Variants in RELN observed in about 807,000 individuals in gnomAD.
The protein encoded by RELN is reelin.
In RELN, 108 loss-of-function variants were observed where a neutral mutation model predicts 427.6. The observed-to-expected ratio is 0.25, with a 90% confidence interval of 0.22 to 0.30. RELN has a LOEUF of 0.30. RELN is among the 10% of genes least tolerant of loss of function. The pLI, the probability that RELN is intolerant of heterozygous loss-of-function variation, is 1.00. For missense variants in RELN, 3,715 were observed against 4,302.8 expected, an observed-to-expected ratio of 0.86 and a Z score of 3.82; for synonymous variants, 1,524 against 1,513.4, an observed-to-expected ratio of 1.01 and a Z score of -0.16.
chr7:103,893,643 C>T (rs1794896902), intron 2 of RELN, among the ~76,000 whole-genome samples: 1 of 152,182 alleles, frequency 6.6e-6, no homozygotes, highest in African/African-American at 2.4e-5. Context: ...CCTTTTAAAG[C>T]AGTGAGTACT....
At chr7:103,504,270 G>A (rs1283011932) in intron 51 of RELN, 3 of 152,128 alleles carry the variant, frequency 2.0e-5, no homozygotes, top group African/African-American at 7.2e-5. Context: ...AGATGGGTAA[G>A]AGGAAAAAAA....
At chr7:103,952,625 C>T (rs1158659409) in intron 1 of RELN, among the ~76,000 whole-genome samples, 1 of 152,026 alleles carries the variant, frequency 6.6e-6, no homozygotes, top group Non-Finnish European at 1.5e-5. Flanking sequence ...AAATGTGTCA[C>T]TGCAAATGAT....
In RELN at chr7:103,637,988, C is replaced by T. The variant is rs145121723; in HGVS notation, c.2070-1520G>A. 4.6e-5 allele frequency among the ~76,000 whole-genome samples: 7 copies of T among 152,064 alleles called. No individual in the cohort carries two copies. In the East Asian group the frequency reaches 1.2e-3, roughly 25 times the overall value. On this transcript the variant is annotated intron_variant, in intron 17 of 64. Transcript: ENST00000428762. ...ACATTGGAGTCACTTTCCATTTAGT[C>T]GTTTTAAAAGTCTACTTTTAATCAA...
chr7:103,980,236 C>A (rs1309070186), intron 1 of RELN, among the ~76,000 whole-genome samples: 1 of 151,010 alleles, frequency 6.6e-6, no homozygotes, highest in African/African-American at 2.4e-5. Context: ...GGTTGTAAAT[C>A]ACTTTTTTTG....
chr7:103,807,108 C>T (rs1792619228), intron 3 of RELN, among the ~76,000 whole-genome samples: 1 of 152,190 alleles, frequency 6.6e-6, no homozygotes. Context: ...TAAATGGCAA[C>T]TGAGAGTTTG....
intron 53 of RELN, among the ~76,000 whole-genome samples, chr7:103,499,499 A>G (rs781251373): frequency 6.6e-6 from 1 of 152,200 alleles, no homozygotes; most frequent in Non-Finnish European, 1.5e-5. Context: ...TCTAGTTGCA[A>G]TGCAATAACT....
At chr7:103,838,065 T>G (rs112701175) in intron 2 of RELN, among the ~76,000 whole-genome samples, 23 of 151,342 alleles carry the variant, frequency 1.5e-4, no homozygotes, top group African/African-American at 5.1e-4. Context: ...AAAAATTAGC[T>G]GGGTGTGGTG....
At chr7:103,558,164 GA>G (rs1584293866) in intron 36 of RELN, 115 bp from the exon 37 acceptor site, 1 of 657,050 alleles carries the variant, frequency 1.5e-6, no homozygotes, top group East Asian at 2.8e-5. Flanking sequence ...TCATGATCAA[GA>G]AGCAAATTTT....
intron 1 of RELN, among the ~76,000 whole-genome samples, chr7:103,922,961 G>T (rs967706174): frequency 6.6e-6 from 1 of 151,862 alleles, no homozygotes; most frequent in African/African-American, 2.4e-5. Flanking sequence ...TCAGAGGATA[G>T]CAAATTGCAA....
At chr7:103,678,911 G>A (rs1833595921) in intron 11 of RELN, among the ~76,000 whole-genome samples, 1 of 152,114 alleles carries the variant, frequency 6.6e-6, no homozygotes, top group African/African-American at 2.4e-5. Flanking sequence ...GGGTGGTGGT[G>A]GATGAAAGAA....
Position 103,522,116 on chromosome 7 carries a change from G to C in RELN, c.7574C>G (p.Ala2525Gly). ...AGTCAGCCAGTTCTGACTGGATGGAGCTCGATTGAAGTTGTCTTTGAGTTG... is the reference window on the plus strand; with the variant it reads ...AGTCAGCCAGTTCTGACTGGATGGACCTCGATTGAAGTTGTCTTTGAGTTG... ...PTQLKDNFNR[A>G]PSSQNWLTVN... is the part of the protein sequence containing the mutation. Residue 2525 changes from alanine (A) to glycine (G), a missense_variant, in exon 48 of 65, where the codon GCT (alanine) becomes GGT (glycine). By Grantham distance (60) the Ala-to-Gly change is moderately conservative. This residue lies in a region of RELN where 1,310 missense variants were observed against 1,643.0 expected (regional missense o/e 0.80). Transcript: ENST00000428762. The C allele has an allele frequency of 6.2e-7, 1 of 1,614,060 alleles. No homozygotes were observed. The highest frequency in any genetic ancestry group is 8.5e-7 in the Non-Finnish European group (1 of 1,180,000).
In RELN at chr7:103,566,568, G is replaced by A. The variant is rs201310154; in HGVS notation, c.4747+33C>T. The A allele has an allele frequency of 5.3e-4, 860 of 1,613,534 alleles. 2 individuals carry two copies. The highest frequency in any genetic ancestry group is 9.0e-4 in the Admixed American group (54 of 60,018). ...GGTATGGATACTTCATGACCTAAAAGCTACCAGAAAGCTGGAGTGAGCAGT... is the reference window on the plus strand; with the variant it reads ...GGTATGGATACTTCATGACCTAAAAACTACCAGAAAGCTGGAGTGAGCAGT... On this transcript the variant is annotated intron_variant, in intron 32 of 64. Coordinates refer to ENST00000428762, the MANE Select transcript of RELN (RefSeq NM_005045.4).
chr7:103,698,144 T>G (rs771192683), intron 9 of RELN, 51 bp from the exon 10 acceptor site: 5 of 1,610,512 alleles, frequency 3.1e-6, no homozygotes, highest in Non-Finnish European at 4.2e-6. Flanking sequence ...TTTTTCTTTC[T>G]TAGAGATGAA....
At chr7:103,664,369 C>T (rs970106681) in intron 11 of RELN, among the ~76,000 whole-genome samples, 4 of 152,196 alleles carry the variant, frequency 2.6e-5, no homozygotes, top group African/African-American at 9.6e-5. Context: ...TGCCCCAAGG[C>T]ACCCATTATA....
chr7:103,584,582 A>G (rs1831226782), intron 28 of RELN, among the ~76,000 whole-genome samples: 1 of 152,226 alleles, frequency 6.6e-6, no homozygotes, highest in African/African-American at 2.4e-5. Context: ...TGCTAGGCCT[A>G]AGAAAAAAGA....
At chr7:103,841,145 CTCCAAAGT>C (rs1793541571) in intron 2 of RELN, among the ~76,000 whole-genome samples, 2 of 152,162 alleles carry the variant, frequency 1.3e-5, no homozygotes, top group Admixed American at 6.5e-5. Flanking sequence ...ATCCTTCAAA[CTCCAAAGT>C]TCTATAAAGT....
At chr7:103,823,359 G>A (rs1793056054) in intron 3 of RELN, among the ~76,000 whole-genome samples, 1 of 151,862 alleles carries the variant, frequency 6.6e-6, no homozygotes, top group African/African-American at 2.4e-5. Flanking sequence ...AAAATTATTT[G>A]TTATCTTATA....
intron 1 of RELN, among the ~76,000 whole-genome samples, chr7:103,934,048 T>C (rs1795924636): frequency 6.6e-6 from 1 of 152,158 alleles, no homozygotes; most frequent in Non-Finnish European, 1.5e-5. Context: ...TTCTCAATAG[T>C]GCCTATTTTT....
rs375320627 is a variant in RELN, at chr7:103,736,516, T to G, written c.657-8309A>C. ...CCATTTATAGCTCATTCTTTCTCAT[T>G]ACTTTTCACTGAGGAAGGTAAGATA... On this transcript the variant is annotated intron_variant, in intron 6 of 64. Transcript: ENST00000428762. Among the ~76,000 whole-genome samples the G allele has an allele frequency of 6.1e-4, 93 of 152,336 alleles. 2 individuals carry two copies. Among genetic ancestry groups the G allele is most frequent in the African/African-American group, 2.2e-3 (92 of 41,574 alleles).
Sources: allele counts gnomAD v4.1 joint callset (sites outside exome capture counted in the v4.1 genomes callset), GRCh38; gene constraint gnomAD v4.1.1; regional missense constraint gnomAD v4.1.1; transcripts MANE v1.5; gene names NCBI Gene and HGNC (gene_info 2026-07-23, HGNC 2026-07-21).